Variants in TNS1 observed in about 807,000 individuals in gnomAD.
The protein encoded by TNS1 is tensin-1.
Under a neutral mutation model 168.6 loss-of-function variants are expected in TNS1, and 62 were observed. The ratio of observed to expected loss-of-function variants is 0.37; its 90% CI spans 0.30 to 0.45. The LOEUF (loss-of-function observed/expected upper bound fraction) is 0.45. Ranked by LOEUF, TNS1 falls within the 20% of genes least tolerant of loss-of-function variation. The pLI, the probability that TNS1 is intolerant of heterozygous loss-of-function variation, is 1.00. For missense variants in TNS1, 2,240 were observed against 2,339.4 expected, an observed-to-expected ratio of 0.96 and a Z score of 0.88; for synonymous variants, 934 against 933.2, an observed-to-expected ratio of 1.00 and a Z score of -0.02.
At position 217,901,140 on chromosome 2, in the gene TNS1, T is replaced by C. The variant is rs555078841; in HGVS notation, c.322-628A>G. 6.6e-5 allele frequency among the ~76,000 whole-genome samples: 10 copies of C among 152,198 alleles called. No individual in the cohort carries two copies. The South Asian group carries it at 2.1e-3, about 32-fold the overall frequency. Reference sequence around the variant, plus strand: ...TCCCCTTTTCACAGCTGTCGAGTGGTACAAACTTAAGCAAATGGGCCCAAT... The same window carrying C: ...TCCCCTTTTCACAGCTGTCGAGTGGCACAAACTTAAGCAAATGGGCCCAAT... On this transcript the variant is annotated intron_variant, in intron 6 of 32. Transcript: ENST00000682258.
chr2:217,960,363 A>T (rs1458288426), intron 3 of TNS1, among the ~76,000 whole-genome samples: 1 of 152,156 alleles, frequency 6.6e-6, no homozygotes, highest in African/African-American at 2.4e-5. Flanking sequence ...TCCACACAGA[A>T]CACAGAGGCA....
intron 3 of TNS1, among the ~76,000 whole-genome samples, chr2:217,927,145 G>A (rs1206395321): frequency 6.6e-6 from 1 of 152,216 alleles, no homozygotes; most frequent in Non-Finnish European, 1.5e-5. Flanking sequence ...AGAGCCTGAT[G>A]CCCACTTGGT....
chr2:217,991,313 C>T (rs576899580), intron 1 of TNS1, among the ~76,000 whole-genome samples: 3 of 151,128 alleles, frequency 2.0e-5, no homozygotes, highest in East Asian at 3.9e-4. Flanking sequence ...CTGCAGCCCC[C>T]GCATGGCTCC....
At chr2:218,006,117 C>T (rs1294900255), upstream of TNS1, among the ~76,000 whole-genome samples, 1 of 152,228 alleles carries the variant, frequency 6.6e-6, no homozygotes, top group Non-Finnish European at 1.5e-5. Flanking sequence ...CGGAGACCTC[C>T]CTCCGCTCAT....
intron 23 of TNS1, 26 bp downstream of exon 23, chr2:217,821,714 C>G: frequency 7.1e-7 from 1 of 1,409,266 alleles, no homozygotes; most frequent in South Asian, 1.7e-5. Flanking sequence ...TTCCCATCCC[C>G]CACCCACTGC....
In TNS1 at chr2:217,813,256, C is replaced by A; in HGVS notation, c.4913G>T (p.Arg1638Ile). The A allele has an allele frequency of 6.2e-7, 1 of 1,602,786 alleles. No individual in the cohort carries two copies. Among genetic ancestry groups the A allele is most frequent in the Admixed American group, 1.7e-5 (1 of 58,976 alleles). The change falls in exon 27 of 33, where the codon AGA becomes ATA. Residue 1638 changes from arginine (R) to isoleucine (I), a missense_variant. Arg to Ile is a moderately conservative substitution (Grantham distance 97). Transcript: ENST00000682258. The surrounding 1 kb of genome is among the most constrained non-coding windows in gnomAD (Gnocchi z 4.0). Reference sequence around the variant, plus strand: ...GGGGCAGCCCTTGAGCTTGACTCCTCTGGGGCCAGTCTCTATCAGAAAATG... The same window carrying A: ...GGGGCAGCCCTTGAGCTTGACTCCTATGGGGCCAGTCTCTATCAGAAAATG... ...VRHFLIETGPRGVKLKGCPNE... is the reference protein window; with the variant it reads ...VRHFLIETGPIGVKLKGCPNE...
intron 28 of TNS1, among the ~76,000 whole-genome samples, chr2:217,811,988 A>G (rs750751423): frequency 9.2e-5 from 14 of 151,840 alleles, no homozygotes; most frequent in Non-Finnish European, 5.9e-5. Context: ...CAACCCCTCA[A>G]CACCTCAGTC....
In TNS1 at chr2:217,848,538, T is replaced by G; in HGVS notation, c.1979A>C (p.Glu660Ala). 1 of 1,613,918 alleles carries G rather than the reference T, an allele frequency of 6.2e-7. No individual in the cohort carries two copies. The highest frequency in any genetic ancestry group is 8.5e-7 in the Non-Finnish European group (1 of 1,179,872). Residue 660 changes from glutamate (E) to alanine (A), a missense_variant, in exon 19 of 33, where the codon GAG becomes GCG. This residue lies in a region of TNS1 where 2,131 missense variants were observed against 2,171.2 expected (regional missense o/e 0.98). Transcript: ENST00000682258. ...ACCGTTGGTCAGTGGGGACAGGGCC[T>G]CTGGGTAGCCCCCCTCACTGGTGTT... ...VTNTSEGGYP[E>A]ALSPLTNGLD...
At chr2:217,989,972 C>G (rs1024720555) in intron 2 of TNS1, among the ~76,000 whole-genome samples, 1 of 146,216 alleles carries the variant, frequency 6.8e-6, no homozygotes, top group African/African-American at 2.5e-5. Context: ...ACACACCAGC[C>G]ACACACCCTC....
chr2:217,993,463 G>A (rs1424354729), intron 1 of TNS1, among the ~76,000 whole-genome samples: 2 of 152,208 alleles, frequency 1.3e-5, no homozygotes, highest in East Asian at 1.9e-4. Context: ...GAGAACAGAC[G>A]CCGCTTCTGC....
chr2:217,845,452 C>T (rs1204957156), intron 19 of TNS1, among the ~76,000 whole-genome samples: 1 of 152,226 alleles, frequency 6.6e-6, no homozygotes, highest in African/African-American at 2.4e-5. Context: ...AAGGAAGTTA[C>T]TCATGCAGGA....
At chr2:217,918,574 C>G (rs989080831) in intron 4 of TNS1, among the ~76,000 whole-genome samples, 1 of 152,212 alleles carries the variant, frequency 6.6e-6, no homozygotes, top group Non-Finnish European at 1.5e-5. Flanking sequence ...GTCCTAACCT[C>G]TGACCGCTCT....
intron 22 of TNS1, 119 bp from the exon 23 acceptor site, chr2:217,822,057 G>T (rs941162213): frequency 9.0e-7 from 1 of 1,112,394 alleles, no homozygotes; most frequent in Non-Finnish European, 1.3e-6. Flanking sequence ...CATAGGAATA[G>T]CCCCCAAAGG....
intron 3 of TNS1, among the ~76,000 whole-genome samples, chr2:217,943,078 G>T (rs540887149): frequency 6.6e-6 from 1 of 152,130 alleles, no homozygotes; most frequent in Non-Finnish European, 1.5e-5. Flanking sequence ...CAGGAGGGGT[G>T]GGGGGAGAGG....
At position 217,813,614 on chromosome 2, in the gene TNS1, TCCAG is replaced by T. The variant is rs1941365395; in HGVS notation, c.4861+67_4861+70del. On this transcript the variant is annotated intron_variant, in intron 26 of 32. Coordinates refer to ENST00000682258, the MANE Select transcript of TNS1 (RefSeq NM_001387777.1). The surrounding 1 kb of genome is among the most constrained non-coding windows in gnomAD (Gnocchi z 4.0). ...GGTCCTGCCCAGCACCCTGGGTCCC[TCCAG>T]CACCTCCAGGTTTAGCGACTGTAAA... 6.5e-7 allele frequency: 1 copy of T among 1,536,562 alleles called. No individual in the cohort carries two copies. The highest frequency in any genetic ancestry group is 8.8e-7 in the Non-Finnish European group (1 of 1,141,892).
At chr2:217,879,182 C>T (rs534996283) in intron 18 of TNS1, 1 of 280,786 alleles carries the variant, frequency 3.6e-6, no homozygotes, top group Non-Finnish European at 7.0e-6. Flanking sequence ...TCCTCCTCAC[C>T]GTTAATTATT....
At chr2:218,019,354 A>T (rs1958787738) in intron 1 of TNS1, among the ~76,000 whole-genome samples, 1 of 152,200 alleles carries the variant, frequency 6.6e-6, no homozygotes, top group Non-Finnish European at 1.5e-5. Flanking sequence ...ATGCAAAAGG[A>T]CATGCAAATG....
chr2:217,916,614 G>A (rs532782008), intron 4 of TNS1, among the ~76,000 whole-genome samples: 6 of 152,324 alleles, frequency 3.9e-5, no homozygotes, highest in South Asian at 2.1e-4. Context: ...CCACAGGAGG[G>A]TGGTGACCCT....
intron 3 of TNS1, among the ~76,000 whole-genome samples, chr2:217,925,485 C>A (rs1955970032): frequency 1.3e-5 from 2 of 152,202 alleles, no homozygotes; most frequent in Non-Finnish European, 2.9e-5. Context: ...TCACCACACA[C>A]ACTCACACTC....
Sources: gnomAD v4.1 joint callset for allele counts (sites outside exome capture counted in the v4.1 genomes callset) on GRCh38, gnomAD v4.1.1 for gene constraint, gnomAD v4.1.1 regional missense constraint, Gnocchi (gnomAD v3.1) non-coding constraint, MANE v1.5 for transcripts, NCBI Gene and HGNC (gene_info 2026-07-23, HGNC 2026-07-21) for gene names.